CLEC2L: variants seen among roughly 807,000 people sequenced by gnomAD.
The protein encoded by CLEC2L is C-type lectin domain family 2, member L.
CLEC2L carries 14 observed loss-of-function variants against 23.6 expected under a neutral mutation model. That is an observed-to-expected ratio of 0.59 (90% CI 0.39 to 0.93). The LOEUF (loss-of-function observed/expected upper bound fraction) is 0.93, where lower values mean the gene tolerates loss of function less well. Ranked by LOEUF, CLEC2L falls within the 40% of genes least tolerant of loss-of-function variation. The pLI is 0.00. For synonymous variants in CLEC2L, 114 were observed against 121.3 expected (o/e 0.94, Z 0.40); for missense variants, 264 against 282.4 (o/e 0.93, Z 0.47).
At chr7:139,536,407 C>A (rs1263853541) in intron 2 of CLEC2L, 59 bp downstream of exon 2, 2 of 1,405,430 alleles carry the variant, frequency 1.4e-6, no homozygotes, top group Admixed American at 4.1e-5. Context: ...GTTAAAAGCA[C>A]GTCTAATTAG....
intron 1 of CLEC2L, chr7:139,534,381 C>T (rs1266441173): frequency 1.1e-6 from 1 of 931,322 alleles, no homozygotes; most frequent in Admixed American, 1.7e-5. Context: ...TCCCAACAGT[C>T]CCTCTATCAA....
chr7:139,544,432 C>T lies in CLEC2L; in HGVS notation c.*90C>T, dbSNP rs1205745943. The T allele has an allele frequency of 2.1e-6, 2 of 962,206 alleles. No individual in the cohort carries two copies. Among genetic ancestry groups the T allele is most frequent in the Non-Finnish European group, 1.6e-6 (1 of 628,230 alleles). 59.6% of individuals were successfully genotyped at this position (962,206 alleles called of 1,614,324 possible). A position where few individuals can be genotyped will look rare whatever the true frequency, so the allele number is the denominator to read the frequency against. On this transcript the variant is annotated 3_prime_UTR_variant, in exon 5 of 5. Transcript: ENST00000422142. ...ACCTGCTTCCAGCGGAGCCGCCTGC[C>T]CTCTGCAAGGCGAAGCGGTGGGTGC...
chr7:139,541,201 G>T (rs1227307673), intron 3 of CLEC2L, among the ~76,000 whole-genome samples: 2 of 151,924 alleles, frequency 1.3e-5, no homozygotes, highest in African/African-American at 4.8e-5. Flanking sequence ...TAGAGACAGG[G>T]TTTCACCATG....
chr7:139,543,605 C>T (rs1296927200), intron 4 of CLEC2L, among the ~76,000 whole-genome samples: 1 of 152,202 alleles, frequency 6.6e-6, no homozygotes, highest in Non-Finnish European at 1.5e-5. Flanking sequence ...GGGGAATCCT[C>T]CCACCACACC....
intron 1 of CLEC2L, among the ~76,000 whole-genome samples, chr7:139,536,045 C>A (rs112889199): frequency 6.6e-6 from 1 of 152,240 alleles, no homozygotes; most frequent in African/African-American, 2.4e-5. Context: ...TAGCTCATGC[C>A]TGTAATCCCA....
intron 2 of CLEC2L, among the ~76,000 whole-genome samples, chr7:139,536,889 C>T (rs927434224): frequency 2.0e-5 from 3 of 148,408 alleles, no homozygotes; most frequent in African/African-American, 5.0e-5. Flanking sequence ...GCAGGAGAAT[C>T]GCTGGAACCT....
chr7:139,531,354 G>A (rs1797580295), intron 1 of CLEC2L, among the ~76,000 whole-genome samples: 1 of 152,088 alleles, frequency 6.6e-6, no homozygotes, highest in Admixed American at 6.6e-5. Context: ...GGTATTCATA[G>A]AGCAGCAGCA....
At chr7:139,541,841 G>A (rs1585203065) in intron 3 of CLEC2L, among the ~76,000 whole-genome samples, 180 bp from the exon 4 acceptor site, 1 of 152,336 alleles carries the variant, frequency 6.6e-6, no homozygotes, top group Admixed American at 6.5e-5. Context: ...CTGGCAGCGT[G>A]ACTGCAGAGG....
Position 139,530,030 on chromosome 7 carries a change from C to A in CLEC2L, c.190+5913C>A, listed in dbSNP as rs1198983646. On this transcript the variant is annotated intron_variant, in intron 1 of 4. Coordinates refer to ENST00000422142, the MANE Select transcript of CLEC2L (RefSeq NM_001080511.4). ...TTGCAGTGAGCAAAAAAAAAAAAAA[C>A]AAAATTAGCCAGGCATGGTGGCACG... Among the ~76,000 whole-genome samples the A allele has an allele frequency of 6.0e-4, 85 of 140,628 alleles. No individual in the cohort carries two copies. The East Asian group carries it at 7.2e-3, about 12-fold the overall frequency. The allele number at this position is 140,628 out of a possible 152,430, so 92.3% of individuals were successfully genotyped here.
chr7:139,524,119 TA>T lies in CLEC2L; in HGVS notation c.190+4del. On this transcript the variant is annotated splice_donor_region_variant and intron_variant, in intron 1 of 4. Transcript: ENST00000422142. ...CCAGCTGGAAGGCGGCCTTGGAGGG[TA>T]AGCGCGGAGCGGCCTCCCTCTCCTG... 8.2e-7 allele frequency: 1 copy of T among 1,225,660 alleles called. No homozygotes were observed. The allele number at this position is 1,225,660 out of a possible 1,614,324, so 75.9% of individuals were successfully genotyped here. A position where few individuals can be genotyped will look rare whatever the true frequency, so the allele number is the denominator to read the frequency against.
chr7:139,531,979 A>G lies in CLEC2L; in HGVS notation c.191-4295A>G, dbSNP rs185578066. 4.6e-5 allele frequency among the ~76,000 whole-genome samples: 7 copies of G among 152,288 alleles called. No homozygotes were observed. The East Asian group carries it at 1.4e-3, about 29-fold the overall frequency. ...GAAAAACATCACTTTCCACATTGAA[A>G]GGGCCTACTAGAGTAGATGAAATAG... On this transcript the variant is annotated intron_variant, in intron 1 of 4. Transcript: ENST00000422142.
rs1184859060 is a variant in CLEC2L, at chr7:139,544,296, G to A, written c.599G>A (p.Cys200Tyr). The stretch of plus-strand genomic sequence containing the variant: ...CCCACCAGGCTGGTGTCGACGGAGT[G>A]TCTGATGACCCGGCCCTGGGTGTGC... Reference protein sequence around the residue: ...VEPTRLVSTECLMTRPWVCSK... With the variant: ...VEPTRLVSTEYLMTRPWVCSK... Residue 200 changes from cysteine (C) to tyrosine (Y), a missense_variant, in exon 5 of 5, where the codon TGT becomes TAT. Physicochemically the swap from Cys to Tyr is radical, Grantham distance 194. Transcript: ENST00000422142. 4 of 1,613,516 alleles carry A rather than the reference G, an allele frequency of 2.5e-6. No individual in the cohort carries two copies. Among genetic ancestry groups the A allele is most frequent in the Non-Finnish European group, 3.4e-6 (4 of 1,179,706 alleles).
intron 1 of CLEC2L, among the ~76,000 whole-genome samples, chr7:139,531,443 T>C (rs1409675323): frequency 1.3e-5 from 2 of 151,980 alleles, no homozygotes; most frequent in African/African-American, 4.8e-5. Flanking sequence ...GATGATAAAA[T>C]TGAGAAAATG....
intron 1 of CLEC2L, among the ~76,000 whole-genome samples, chr7:139,524,946 TTCC>T (rs1364492187): frequency 8.5e-5 from 13 of 152,060 alleles, no homozygotes; most frequent in African/African-American, 2.9e-4. Context: ...AAAGGAGGGC[TTCC>T]CAGGAGTAGG....
intron 2 of CLEC2L, among the ~76,000 whole-genome samples, chr7:139,537,202 A>G (rs1401040276): frequency 6.6e-6 from 1 of 152,156 alleles, no homozygotes; most frequent in Non-Finnish European, 1.5e-5. Flanking sequence ...GGAGTTATCC[A>G]GAGATTAGGA....
At position 139,540,416 on chromosome 7, in the gene CLEC2L, T is replaced by C; in HGVS notation, c.361T>C (p.Trp121Arg). 1.9e-6 allele frequency: 3 copies of C among 1,608,104 alleles called. No individual in the cohort carries two copies. Among genetic ancestry groups the C allele is most frequent in the Non-Finnish European group, 2.5e-6 (3 of 1,177,628 alleles). ...CYFFSEEPRD[W>R]NTGRQYCHTH... ...CTTCTTTTCCGAGGAACCCAGAGAC[T>C]GGAACACAGGCAGGCAGTACTGCCA... Residue 121 changes from tryptophan (W) to arginine (R), a missense_variant, in exon 3 of 5, where the codon TGG becomes CGG. Physicochemically the swap from Trp to Arg is moderately radical, Grantham distance 101 (BLOSUM62 -3). Transcript: ENST00000422142. The surrounding 1 kb of genome is among the most constrained non-coding windows in gnomAD (Gnocchi z 5.8).
intron 1 of CLEC2L, among the ~76,000 whole-genome samples, 180 bp from the exon 2 acceptor site, chr7:139,536,094 C>A (rs1488453027): frequency 6.6e-6 from 1 of 152,218 alleles, no homozygotes; most frequent in Non-Finnish European, 1.5e-5. Context: ...CATTTGAGGT[C>A]AGGAGTTCGA....
chr7:139,531,733 A>AC (rs1177026163), intron 1 of CLEC2L, among the ~76,000 whole-genome samples: 14 of 152,196 alleles, frequency 9.2e-5, no homozygotes, highest in Non-Finnish European at 1.9e-4. Context: ...ACATGGTGAA[A>AC]CCCCATCTCT....
Position 139,524,020 on chromosome 7 carries a change from T to C in CLEC2L, c.93T>C (p.Arg31=). The C allele has an allele frequency of 8.6e-7, 1 of 1,156,978 alleles. No homozygotes were observed. Among genetic ancestry groups the C allele is most frequent in the Middle Eastern group, 3.6e-4 (1 of 2,780 alleles). The allele number at this position is 1,156,978 out of a possible 1,614,324, so 71.7% of individuals were successfully genotyped here. ...CCGCCCCCGCCGCCCCCAGGCCGCG[T>C]TCGCCCGCAGAGGCTGAGGCCCGCG... ...PAPAPAAPRP[R]SPAEAEARGP... is the part of the protein sequence containing the mutation. Residue 31 remains arginine, a synonymous_variant, in exon 1 of 5, where the codon CGT becomes CGC. Transcript: ENST00000422142.
Sources: gnomAD v4.1 joint callset for allele counts (sites outside exome capture counted in the v4.1 genomes callset) on GRCh38, gnomAD v4.1.1 for gene constraint, Gnocchi (gnomAD v3.1) non-coding constraint, MANE v1.5 for transcripts, NCBI Gene and HGNC (gene_info 2026-07-23, HGNC 2026-07-21) for gene names.